TMEM232: variants seen among roughly 807,000 people sequenced by gnomAD.
TMEM232 encodes transmembrane protein 232.
Under a neutral mutation model 78.8 loss-of-function variants are expected in TMEM232, and 80 were observed. The ratio of observed to expected loss-of-function variants is 1.01; its 90% CI spans 0.85 to 1.22. TMEM232 has a LOEUF of 1.22. Ranked by LOEUF, TMEM232 falls within the 50% of genes most tolerant of loss-of-function variation. The pLI, the probability that TMEM232 is intolerant of heterozygous loss-of-function variation, is 0.00. For synonymous variants in TMEM232, 297 were observed against 254.3 expected (o/e 1.17, Z -1.60); for missense variants, 881 against 742.2 (o/e 1.19, Z -2.17).
intron 6 of TMEM232, among the ~76,000 whole-genome samples, chr5:110,626,202 G>C (rs1371694346): frequency 6.6e-6 from 1 of 151,596 alleles, no homozygotes; most frequent in Non-Finnish European, 1.5e-5. Context: ...TTTTTGAGGA[G>C]GGTATATCCT....
At chr5:110,640,366 T>C (rs184927969) in intron 4 of TMEM232, among the ~76,000 whole-genome samples, 112 of 152,194 alleles carry the variant, frequency 7.4e-4, no homozygotes, top group Non-Finnish European at 1.3e-3. Flanking sequence ...TAAATGATAG[T>C]GATGGAAAGA....
intron 5 of TMEM232, among the ~76,000 whole-genome samples, chr5:110,630,692 T>C (rs1375986873): frequency 6.6e-6 from 1 of 152,142 alleles, no homozygotes; most frequent in Non-Finnish European, 1.5e-5. Context: ...GTGAGAATAT[T>C]AAACCCCTTT....
intron 5 of TMEM232, among the ~76,000 whole-genome samples, chr5:110,636,619 G>A (rs184050808): frequency 6.6e-6 from 1 of 152,082 alleles, no homozygotes; most frequent in Non-Finnish European, 1.5e-5. Context: ...CATCATAGCT[G>A]AGAGTTCACT....
chr5:110,524,420 GAAAAGAA>G (rs1770224003), intron 12 of TMEM232, among the ~76,000 whole-genome samples: 2 of 117,198 alleles, frequency 1.7e-5, no homozygotes, highest in Non-Finnish European at 3.6e-5. Flanking sequence ...AGAAAGAAAA[GAAAAGAA>G]AAGAAAAGAA....
chr5:110,683,375 AAG>A (rs1195574508), intron 1 of TMEM232, among the ~76,000 whole-genome samples: 6 of 151,930 alleles, frequency 3.9e-5, no homozygotes, highest in Non-Finnish European at 7.4e-5. Flanking sequence ...ATAAATTACA[AAG>A]AGATACACAC....
chr5:110,387,918 T>G (rs567366341), exon 5 of TMEM232: 27 of 152,482 alleles, frequency 1.8e-4, no homozygotes, highest in African/African-American at 6.5e-4. Flanking sequence ...GAAAATTCTC[T>G]GAGAAGGGCT....
intron 1 of TMEM232, among the ~76,000 whole-genome samples, chr5:110,683,940 T>C (rs1198158892): frequency 6.6e-6 from 1 of 152,056 alleles, no homozygotes; most frequent in Non-Finnish European, 1.5e-5. Flanking sequence ...TGTATTGATG[T>C]ACTTAAAGCA....
chr5:110,724,173 A>C (rs1035501882), intron 1 of TMEM232, among the ~76,000 whole-genome samples: 8 of 152,200 alleles, frequency 5.3e-5, no homozygotes, highest in African/African-American at 1.9e-4. Flanking sequence ...TATTGTTTGC[A>C]AAGTACTTTC....
At chr5:110,415,190 CTT>C (rs11382588), downstream of TMEM232, among the ~76,000 whole-genome samples, 11 of 142,228 alleles carry the variant, frequency 7.7e-5, no homozygotes, top group Non-Finnish European at 1.1e-4. Flanking sequence ...TTCTCTCCAA[CTT>C]TTTTTTTTTT....
At chr5:110,648,172 G>A (rs1322394889) in intron 2 of TMEM232, among the ~76,000 whole-genome samples, 3 of 151,944 alleles carry the variant, frequency 2.0e-5, no homozygotes, top group Admixed American at 6.6e-5. Context: ...CAAGATAATA[G>A]GGAAATTCAA....
chr5:110,722,685 G>A (rs1391464117), intron 1 of TMEM232, among the ~76,000 whole-genome samples: 1 of 152,122 alleles, frequency 6.6e-6, no homozygotes, highest in East Asian at 1.9e-4. Flanking sequence ...CATTTTATTG[G>A]TCATACAGAA....
At chr5:110,516,313 TA>T (rs2149486614) in intron 12 of TMEM232, among the ~76,000 whole-genome samples, 1 of 152,310 alleles carries the variant, frequency 6.6e-6, no homozygotes, top group Non-Finnish European at 1.5e-5. Flanking sequence ...TCCTAGTCTT[TA>T]TACATATGCA....
intron 2 of TMEM232, among the ~76,000 whole-genome samples, chr5:110,650,348 A>G (rs540121026): frequency 1.3e-5 from 2 of 152,260 alleles, no homozygotes; most frequent in Non-Finnish European, 2.9e-5. Flanking sequence ...GTTGAGAAGT[A>G]GAAATTGATA....
At chr5:110,646,453 T>C (rs1029944588) in intron 2 of TMEM232, among the ~76,000 whole-genome samples, 1 of 151,560 alleles carries the variant, frequency 6.6e-6, no homozygotes, top group African/African-American at 2.4e-5. Context: ...TTGACATGGG[T>C]TGAAAGAATA....
At chr5:110,458,094 G>C (rs1406776581) in intron 12 of TMEM232, among the ~76,000 whole-genome samples, 1 of 151,376 alleles carries the variant, frequency 6.6e-6, no homozygotes, top group African/African-American at 2.4e-5. Flanking sequence ...TGTTAATTTT[G>C]TTCATTAACT....
intron 8 of TMEM232, among the ~76,000 whole-genome samples, chr5:110,613,923 C>T (rs1368850429): frequency 6.6e-6 from 1 of 151,694 alleles, no homozygotes; most frequent in Non-Finnish European, 1.5e-5. Context: ...TTATTATTAA[C>T]AGAATAGTTA....
upstream of TMEM232, chr5:110,738,885 A>C (rs868678471): frequency 9.4e-7 from 1 of 1,058,706 alleles, no homozygotes; most frequent in Middle Eastern, 3.1e-4. Flanking sequence ...ACGACAACAA[A>C]CTTTTAAGGT....
At chr5:110,567,884 C>T (rs1017510126) in intron 11 of TMEM232, among the ~76,000 whole-genome samples, 2 of 151,880 alleles carry the variant, frequency 1.3e-5, no homozygotes, top group African/African-American at 4.8e-5. Flanking sequence ...AAAGCTACAT[C>T]ATAAAAATGC....
Position 110,528,818 on chromosome 5 carries a change from T to C in TMEM232, c.1473A>G (p.Pro491=). 1.3e-6 allele frequency: 2 copies of C among 1,486,012 alleles called. No individual in the cohort carries two copies. Among genetic ancestry groups the C allele is most frequent in the Non-Finnish European group, 1.8e-6 (2 of 1,119,728 alleles). 92.1% of individuals were successfully genotyped at this position (1,486,012 alleles called of 1,614,324 possible). A position where few individuals can be genotyped will look rare whatever the true frequency, so the allele number is the denominator to read the frequency against. The change falls in exon 12 of 14, where the codon CCA becomes CCG. Residue 491 remains proline, a synonymous_variant. Transcript: ENST00000455884. ...INIAQAELND[P]TDPFTRYSTN... ...TACTATATCTAGTGAAAGGATCAGTTGGGTCATTTAACTCAGCCTGTTGAA... is the reference window on the plus strand; with the variant it reads ...TACTATATCTAGTGAAAGGATCAGTCGGGTCATTTAACTCAGCCTGTTGAA...
Sources: gnomAD v4.1 joint callset for allele counts (sites outside exome capture counted in the v4.1 genomes callset) on GRCh38, gnomAD v4.1.1 for gene constraint, MANE v1.5 for transcripts, NCBI Gene and HGNC (gene_info 2026-07-23, HGNC 2026-07-21) for gene names.